Variants in MAGI2 observed in about 807,000 individuals in gnomAD.
MAGI2 encodes membrane-associated guanylate kinase, WW and PDZ domain-containing protein 2.
MAGI2 carries 35 observed loss-of-function variants against 133.3 expected under a neutral mutation model. The observed-to-expected ratio is 0.26, with a 90% confidence interval of 0.20 to 0.35. The LOEUF is 0.35. Among genes scored for constraint, MAGI2 ranks in the 10% least tolerant of loss-of-function variants. The pLI is 1.00. For missense variants in MAGI2, 1,636 were observed against 1,863.4 expected, an observed-to-expected ratio of 0.88 and a Z score of 2.25; for synonymous variants, 729 against 710.6, an observed-to-expected ratio of 1.03 and a Z score of -0.41.
At chr7:78,657,464 A>C (rs1412337372) in intron 2 of MAGI2, among the ~76,000 whole-genome samples, 2 of 152,216 alleles carry the variant, frequency 1.3e-5, no homozygotes, top group African/African-American at 4.8e-5. Flanking sequence ...TGGCACATCC[A>C]AAAAATGAAA....
chr7:78,453,240 A>G (rs530126319), intron 6 of MAGI2, among the ~76,000 whole-genome samples: 10 of 152,298 alleles, frequency 6.6e-5, no homozygotes, highest in African/African-American at 2.4e-4. Context: ...TACTGCAGGG[A>G]CAGGTGCAAT....
At position 78,882,086 on chromosome 7, in the gene MAGI2, C is replaced by CAAAAAAAAAAAAA. The variant is rs771918590; in HGVS notation, c.418+124991_418+125003dup. ...GCTAGATTAACAACAACAACAACAA[C>CAAAAAAAAAAAAA]AAAAAAAAAAAAAAAAAAAAAAGAA... On this transcript the variant is annotated intron_variant, in intron 2 of 21. Transcript: ENST00000354212. Among the ~76,000 whole-genome samples the CAAAAAAAAAAAAA allele has an allele frequency of 1.0e-3, 13 of 12,466 alleles. 1 individual carries two copies. The highest frequency in any genetic ancestry group is 1.4e-3 in the Admixed American group (1 of 736). The allele number at this position is 12,466 out of a possible 152,430, so 8.2% of individuals were successfully genotyped here.
At chr7:78,229,802 CATAAG>C (rs1789774990) in intron 10 of MAGI2, among the ~76,000 whole-genome samples, 1 of 152,160 alleles carries the variant, frequency 6.6e-6, no homozygotes, top group Non-Finnish European at 1.5e-5. Context: ...CTGCAGGTGT[CATAAG>C]AGAGAGCTCC....
intron 6 of MAGI2, among the ~76,000 whole-genome samples, chr7:78,431,020 T>G (rs538829085): frequency 6.6e-6 from 1 of 152,082 alleles, no homozygotes; most frequent in South Asian, 2.1e-4. Context: ...ACAGGTATTA[T>G]AGACTTATAG....
chr7:78,471,641 G>C (rs1359569190), intron 6 of MAGI2, among the ~76,000 whole-genome samples: 3 of 152,104 alleles, frequency 2.0e-5, no homozygotes, highest in African/African-American at 7.2e-5. Context: ...ATAATAGTAG[G>C]AGGGGCTGGG....
rs1829265375 is a variant in MAGI2 at position 78,201,672 on chromosome 7, T to C, written c.2048-479A>G. On this transcript the variant is annotated intron_variant, in intron 10 of 21. Coordinates refer to ENST00000354212, the MANE Select transcript of MAGI2 (RefSeq NM_012301.4). The stretch of plus-strand genomic sequence containing the variant: ...TATTCCTAACTTTAAAAATAACGTA[T>C]ATGCCTACATTATGAATTAGGTTCC... Among the ~76,000 whole-genome samples, 4 of 152,344 alleles carry C rather than the reference T, an allele frequency of 2.6e-5. No individual in the cohort carries two copies. In the Middle Eastern group the frequency reaches 0.01, roughly 389 times the overall value.
At chr7:78,229,878 C>G (rs1036338360) in intron 10 of MAGI2, among the ~76,000 whole-genome samples, 6 of 151,968 alleles carry the variant, frequency 3.9e-5, no homozygotes, top group African/African-American at 1.5e-4. Context: ...GACACAGATT[C>G]GGAGGATCCC....
At chr7:79,130,000 C>T (rs890088636) in intron 1 of MAGI2, among the ~76,000 whole-genome samples, 4 of 151,968 alleles carry the variant, frequency 2.6e-5, no homozygotes, top group Admixed American at 1.3e-4. Flanking sequence ...TTTTGGAGTT[C>T]TGTTAGGTTA....
At chr7:78,122,641 G>A (rs531710539) in intron 20 of MAGI2, among the ~76,000 whole-genome samples, 5 of 152,164 alleles carry the variant, frequency 3.3e-5, no homozygotes, top group East Asian at 1.9e-4. Context: ...ATGGAAATGC[G>A]AACTATATTA....
Position 78,019,485 on chromosome 7 carries a change from G to A in MAGI2, c.4198C>T (p.Leu1400=). Residue 1400 remains leucine (L), a synonymous_variant, in exon 22 of 22, where the codon CTG becomes TTG. Transcript: ENST00000354212. ...AGPGGGGSGA[L]EAEGRAGARA... Reference sequence around the variant, plus strand: ...GCACCCGCCCTGCCCTCGGCCTCCAGCGCGCCGCTGCCGCCGCCGCCCGGG... The same window carrying A: ...GCACCCGCCCTGCCCTCGGCCTCCAACGCGCCGCTGCCGCCGCCGCCCGGG... 1.0e-6 allele frequency: 1 copy of A among 980,076 alleles called. No homozygotes were observed. The highest frequency in any genetic ancestry group is 1.2e-6 in the Non-Finnish European group (1 of 828,060). The allele number at this position is 980,076 out of a possible 1,614,324, so 60.7% of individuals were successfully genotyped here. A position where few individuals can be genotyped will look rare whatever the true frequency, so the allele number is the denominator to read the frequency against.
intron 1 of MAGI2, among the ~76,000 whole-genome samples, chr7:79,349,880 A>G (rs848934): frequency 6.6e-6 from 1 of 151,880 alleles, no homozygotes. Context: ...AGGTGCTTAC[A>G]CTAAGATTCT....
chr7:79,079,815 A>G (rs1815877400), intron 1 of MAGI2, among the ~76,000 whole-genome samples: 1 of 152,154 alleles, frequency 6.6e-6, no homozygotes, highest in South Asian at 2.1e-4. Context: ...TGTGTTGTAC[A>G]GAACACAGAA....
intron 9 of MAGI2, among the ~76,000 whole-genome samples, chr7:78,295,483 G>A (rs761465082): frequency 1.5e-4 from 23 of 152,170 alleles, no homozygotes; most frequent in Non-Finnish European, 2.8e-4. Flanking sequence ...CTCTGAGGGT[G>A]TGAAATCTTA....
chr7:78,461,920 A>AG (rs201920571), intron 6 of MAGI2, among the ~76,000 whole-genome samples: 22,448 of 107,246 alleles, frequency 0.21, 2,758 homozygotes, highest in African/African-American at 0.35. Context: ...CCGTCTCAAA[A>AG]AAAAAAAAAA....
chr7:78,135,115 A>G lies in MAGI2; in HGVS notation c.2937T>C (p.Asn979=), dbSNP rs1361183576. 1.9e-6 allele frequency: 3 copies of G among 1,613,958 alleles called. No individual in the cohort carries two copies. Among genetic ancestry groups the G allele is most frequent in the Non-Finnish European group, 2.5e-6 (3 of 1,179,964 alleles). ...GAGGCATGTTGATGATAGACTGGCC[A>G]TTCACTGCTAGGATCCGGTCTCCCA... ...LKVGDRILAV[N]GQSIINMPHA... Residue 979 remains asparagine, a synonymous_variant, in exon 17 of 22, where the codon AAT becomes AAC. Transcript: ENST00000354212.
chr7:78,987,133 T>G (rs756351758), intron 2 of MAGI2, among the ~76,000 whole-genome samples: 4 of 152,036 alleles, frequency 2.6e-5, no homozygotes, highest in Non-Finnish European at 5.9e-5. Context: ...ACTGGTGTGG[T>G]GGATGAATAA....
rs1004706190 is a variant in MAGI2 at position 79,232,026 on chromosome 7, C to A, written c.301+220994G>T. ...GAAGGTTGTTGAATTTTGTCAAAGG[C>A]TTTTTCTGCATCTATTGAGATAATC... is the stretch of plus-strand genomic sequence containing the variant. On this transcript the variant is annotated intron_variant, in intron 1 of 21. Transcript: ENST00000354212. Among the ~76,000 whole-genome samples, 4 of 152,170 alleles carry A rather than the reference C, an allele frequency of 2.6e-5. No homozygotes were observed. In the South Asian group the frequency reaches 8.3e-4, roughly 32 times the overall value.
chr7:79,290,611 G>T (rs746582897), intron 1 of MAGI2, among the ~76,000 whole-genome samples: 13 of 151,526 alleles, frequency 8.6e-5, no homozygotes, highest in Non-Finnish European at 1.6e-4. Flanking sequence ...CATCTACATA[G>T]CTAAATGTGG....
intron 7 of MAGI2, among the ~76,000 whole-genome samples, chr7:78,363,888 A>G (rs1793101480): frequency 6.6e-6 from 1 of 152,278 alleles, no homozygotes; most frequent in African/African-American, 2.4e-5. Context: ...ATAATAAAAC[A>G]GACTTTCTAG....
Sources: allele counts gnomAD v4.1 joint callset (sites outside exome capture counted in the v4.1 genomes callset), GRCh38; gene constraint gnomAD v4.1.1; transcripts MANE v1.5; gene names NCBI Gene and HGNC (gene_info 2026-07-23, HGNC 2026-07-21).